The following TENM3 variants were observed in gnomAD, a reference collection of about 807,000 sequenced individuals.
The protein encoded by TENM3 is teneurin-3.
In TENM3, 63 loss-of-function variants were observed where a neutral mutation model predicts 255.1. The observed-to-expected ratio is 0.25, with a 90% CI of 0.20 to 0.30. TENM3 has a LOEUF of 0.30. TENM3 is among the 10% of genes least tolerant of loss of function. The pLI, the probability that TENM3 is intolerant of heterozygous loss-of-function variation, is 1.00. For missense variants in TENM3, 2,929 were observed against 3,461.1 expected, an observed-to-expected ratio of 0.85 and a Z score of 3.86; for synonymous variants, 1,306 against 1,322.3, an observed-to-expected ratio of 0.99 and a Z score of 0.27.
chr4:182,287,562 A>C (rs1387315136), intron 1 of TENM3, among the ~76,000 whole-genome samples: 3 of 152,108 alleles, frequency 2.0e-5, no homozygotes, highest in African/African-American at 7.2e-5. Context: ...TCTCCTCAAC[A>C]ATCCCTTTAT....
intron 3 of TENM3, among the ~76,000 whole-genome samples, chr4:182,518,032 T>A (rs186730726): frequency 6.6e-6 from 1 of 152,272 alleles, no homozygotes; most frequent in East Asian, 1.9e-4. Flanking sequence ...TTTTTCTTGA[T>A]CTTTTTCCTT....
In TENM3 at chr4:182,639,081, G is replaced by A. The variant is rs948736035; in HGVS notation, c.988+10192G>A. On this transcript the variant is annotated intron_variant, in intron 5 of 27. Coordinates refer to ENST00000511685, the MANE Select transcript of TENM3 (RefSeq NM_001080477.4). ...ATCAAAGTCAATTTCATTAAACTTA[G>A]CTGTTTTTGAATACCTTTTCTAAAT... 3.9e-5 allele frequency among the ~76,000 whole-genome samples: 6 copies of A among 152,052 alleles called. 1 individual carries two copies. The highest frequency in any genetic ancestry group is 5.9e-5 in the Non-Finnish European group (4 of 67,998).
chr4:182,266,969 T>C (rs1283394279), intron 1 of TENM3, among the ~76,000 whole-genome samples: 2 of 152,186 alleles, frequency 1.3e-5, no homozygotes, highest in Non-Finnish European at 2.9e-5. Flanking sequence ...TATAATCAAC[T>C]ATAGAACTCT....
chr4:182,495,623 C>G (rs535197436), intron 3 of TENM3, among the ~76,000 whole-genome samples: 13 of 152,116 alleles, frequency 8.5e-5, no homozygotes, highest in Non-Finnish European at 1.5e-4. Flanking sequence ...TTGTGGTAAG[C>G]TATAGAATGT....
At chr4:181,496,109 CT>C in the TENM3 span, among the ~76,000 whole-genome samples, 2 of 152,026 alleles carry the variant, frequency 1.3e-5, no homozygotes, top group African/African-American at 4.8e-5. Flanking sequence ...ATTGAATATA[CT>C]TTGTGATCAC....
chr4:182,402,054 A>T (rs1168237035), intron 3 of TENM3, among the ~76,000 whole-genome samples: 1 of 152,184 alleles, frequency 6.6e-6, no homozygotes, highest in Non-Finnish European at 1.5e-5. Context: ...AGTGGAAGGG[A>T]TGGCAGACCC....
At chr4:182,151,942 T>C (rs1213511617) in intron 1 of TENM3, among the ~76,000 whole-genome samples, 1 of 152,008 alleles carries the variant, frequency 6.6e-6, no homozygotes, top group Non-Finnish European at 1.5e-5. Flanking sequence ...TTTTGTCTCT[T>C]GATTGTCACA....
At chr4:182,086,445 C>T in the TENM3 span, among the ~76,000 whole-genome samples, 71 of 152,254 alleles carry the variant, frequency 4.7e-4, no homozygotes, top group African/African-American at 1.6e-3. Flanking sequence ...TTTCTTGCCA[C>T]GTGTATCTGC....
At chr4:181,481,689 C>A in the TENM3 span, among the ~76,000 whole-genome samples, 1 of 152,160 alleles carries the variant, frequency 6.6e-6, no homozygotes, top group Admixed American at 6.5e-5. Context: ...TCTCTTCCAG[C>A]AGTTTGGCCA....
intron 19 of TENM3, among the ~76,000 whole-genome samples, chr4:182,744,938 C>T (rs544599287): frequency 5.3e-5 from 8 of 150,708 alleles, no homozygotes; most frequent in Admixed American, 1.3e-4. Context: ...AAACTTTGCT[C>T]GGGATAGAAA....
intron 3 of TENM3, among the ~76,000 whole-genome samples, chr4:182,414,063 C>A (rs529651327): frequency 6.6e-6 from 1 of 152,130 alleles, no homozygotes; most frequent in Non-Finnish European, 1.5e-5. Context: ...TTGTTTATTA[C>A]CTTTTACACA....
At chr4:182,568,956 A>AGATGTC (rs1305793796) in intron 3 of TENM3, among the ~76,000 whole-genome samples, 1 of 152,214 alleles carries the variant, frequency 6.6e-6, no homozygotes, top group African/African-American at 2.4e-5. Context: ...ATATGGTGAC[A>AGATGTC]GATGTCAGAG....
At chr4:182,100,574 T>TAC in the TENM3 span, among the ~76,000 whole-genome samples, 3 of 86,294 alleles carry the variant, frequency 3.5e-5, no homozygotes, top group African/African-American at 5.4e-5. Flanking sequence ...CACATATATA[T>TAC]ACACATATAT....
the TENM3 span, among the ~76,000 whole-genome samples, chr4:181,510,671 G>A: frequency 6.6e-6 from 1 of 152,188 alleles, no homozygotes; most frequent in Non-Finnish European, 1.5e-5. Context: ...TGGTGTCAAG[G>A]CAGAATTTAA....
chr4:182,522,375 C>G (rs1394393696), intron 3 of TENM3, among the ~76,000 whole-genome samples: 1 of 152,162 alleles, frequency 6.6e-6, no homozygotes, highest in Non-Finnish European at 1.5e-5. Flanking sequence ...AACTGCCATT[C>G]TCCCCTCTAC....
the TENM3 span, among the ~76,000 whole-genome samples, chr4:181,503,062 G>A: frequency 0.14 from 21,112 of 152,074 alleles, 1,546 homozygotes; most frequent in East Asian, 0.23. Flanking sequence ...TAACATAAAT[G>A]TAAAATATGA....
At chr4:181,614,380 G>A in the TENM3 span, among the ~76,000 whole-genome samples, 3 of 152,048 alleles carry the variant, frequency 2.0e-5, no homozygotes, top group East Asian at 5.8e-4. Context: ...GGATTTTGGG[G>A]GACAGTAATT....
the TENM3 span, among the ~76,000 whole-genome samples, chr4:181,596,062 G>A: frequency 6.6e-6 from 1 of 152,042 alleles, no homozygotes; most frequent in African/African-American, 2.4e-5. Flanking sequence ...TTGAAGATAG[G>A]GGCTTTGTTT....
At chr4:181,919,723 T>C in the TENM3 span, among the ~76,000 whole-genome samples, 2 of 152,012 alleles carry the variant, frequency 1.3e-5, no homozygotes, top group African/African-American at 4.8e-5. Context: ...AGAAAAATTT[T>C]TTTTTAATTT....
Sources: gnomAD v4.1 joint callset for allele counts (sites outside exome capture counted in the v4.1 genomes callset) on GRCh38, gnomAD v4.1.1 for gene constraint, MANE v1.5 for transcripts, NCBI Gene and HGNC (gene_info 2026-07-23, HGNC 2026-07-21) for gene names.